Variants in DHX36 observed in about 807,000 individuals in gnomAD.
DHX36 encodes DEAH-box helicase 36, also known as ATP-dependent DNA/RNA helicase DHX36.
DHX36 carries 50 observed loss-of-function variants against 139.0 expected under a neutral mutation model. The ratio of observed to expected loss-of-function variants is 0.36; its 90% CI spans 0.29 to 0.46. The LOEUF (loss-of-function observed/expected upper bound fraction) is 0.46, where lower values mean the gene tolerates loss of function less well. Among genes scored for constraint, DHX36 ranks in the 20% least tolerant of loss-of-function variants. The pLI is 1.00. For synonymous variants in DHX36, 425 were observed against 401.9 expected, an observed-to-expected ratio of 1.06 and a Z score of -0.69; for missense variants, 1,024 against 1,211.3, an observed-to-expected ratio of 0.85 and a Z score of 2.29.
intron 1 of DHX36, among the ~76,000 whole-genome samples, chr3:154,316,991 T>C (rs1168432338): frequency 6.6e-6 from 1 of 151,878 alleles, no homozygotes; most frequent in Non-Finnish European, 1.5e-5. Flanking sequence ...TTAGAGTGTG[T>C]TAGGTTAAAG....
intron 22 of DHX36, chr3:154,279,230 G>C (rs1719256744): frequency 6.6e-6 from 1 of 152,146 alleles, no homozygotes; most frequent in African/African-American, 2.4e-5. Context: ...TGCTAGTGTA[G>C]AAGGAAAGCA....
At chr3:154,298,205 C>T (rs986105561) in intron 12 of DHX36, among the ~76,000 whole-genome samples, 2 of 152,148 alleles carry the variant, frequency 1.3e-5, no homozygotes, top group African/African-American at 4.8e-5. Flanking sequence ...CCTTTTCCCA[C>T]TCTCCATCAC....
intron 9 of DHX36, 115 bp downstream of exon 9, chr3:154,303,214 G>C: frequency 1.3e-6 from 1 of 758,780 alleles, no homozygotes; most frequent in South Asian, 2.0e-5. Flanking sequence ...CTAATTCCCA[G>C]AAAAATGTTT....
intron 24 of DHX36, 76 bp from the exon 25 acceptor site, chr3:154,276,432 A>G: frequency 7.4e-7 from 1 of 1,354,280 alleles, no homozygotes; most frequent in African/African-American, 1.5e-5. Flanking sequence ...AAACTAATTT[A>G]CCTGATACAA....
intron 1 of DHX36, among the ~76,000 whole-genome samples, chr3:154,323,639 C>G (rs1179972651): frequency 6.6e-6 from 1 of 151,960 alleles, no homozygotes; most frequent in Non-Finnish European, 1.5e-5. Flanking sequence ...ATTTCTCCAC[C>G]CCAACATAAA....
In DHX36 at chr3:154,283,231, T is replaced by C; in HGVS notation, c.2333A>G (p.Lys778Arg). The change falls in exon 20 of 25, where the codon AAG (lysine) becomes AGG (arginine). Residue 778 changes from lysine (K) to arginine (R), a missense_variant. This residue lies in a region of DHX36 where 470 missense variants were observed against 616.2 expected (regional missense o/e 0.76). Transcript: ENST00000496811. ...EARRRGFRYE[K>R]DYCWEYFLSS... Reference sequence around the variant, plus strand: ...CAGAAAATATTCCCAGCAATAGTCCTTTTCGTATCTGAAACCACGTCGCCT... The same window carrying C: ...CAGAAAATATTCCCAGCAATAGTCCCTTTCGTATCTGAAACCACGTCGCCT... The C allele has an allele frequency of 6.2e-7, 1 of 1,613,834 alleles. No homozygotes were observed. Among genetic ancestry groups the C allele is most frequent in the Non-Finnish European group, 8.5e-7 (1 of 1,179,774 alleles).
intron 17 of DHX36, among the ~76,000 whole-genome samples, chr3:154,287,749 A>G (rs1317320663): frequency 6.6e-6 from 1 of 152,184 alleles, no homozygotes. Context: ...TACAACCAAT[A>G]AAAAGCGCAG....
intron 17 of DHX36, 24 bp downstream of exon 17, chr3:154,288,842 A>T (rs1711663681): frequency 7.2e-7 from 1 of 1,397,320 alleles, no homozygotes; most frequent in Non-Finnish European, 9.7e-7. Flanking sequence ...AGTTAGAATT[A>T]AAAAAACAAG....
intron 12 of DHX36, among the ~76,000 whole-genome samples, chr3:154,298,072 A>G (rs1393734504): frequency 2.0e-5 from 3 of 152,236 alleles, no homozygotes; most frequent in African/African-American, 7.2e-5. Context: ...AAGTTCTGGA[A>G]AGATTTCCTT....
chr3:154,290,054 G>GT (rs1465265149), intron 15 of DHX36, among the ~76,000 whole-genome samples: 1 of 152,094 alleles, frequency 6.6e-6, no homozygotes, highest in African/African-American at 2.4e-5. Flanking sequence ...AAGATACACA[G>GT]TAATTCCTCC....
chr3:154,284,525 T>C, intron 19 of DHX36, 58 bp downstream of exon 19: 1 of 1,387,900 alleles, frequency 7.2e-7, no homozygotes, highest in Non-Finnish European at 9.9e-7. Context: ...CTTATTCTAT[T>C]ATTAGCATTT....
intron 3 of DHX36, chr3:154,314,657 A>G (rs544134975): frequency 1.3e-5 from 2 of 156,764 alleles, no homozygotes; most frequent in East Asian, 1.9e-4. Context: ...ATAATTTTTG[A>G]AATATTTAAT....
intron 1 of DHX36, among the ~76,000 whole-genome samples, chr3:154,316,559 T>C (rs1315825807): frequency 2.6e-5 from 4 of 152,060 alleles, no homozygotes; most frequent in Non-Finnish European, 5.9e-5. Context: ...AAACTGGAAA[T>C]AGTTTGGTTG....
rs371737293 is a variant in DHX36, at chr3:154,301,170, T to G, written c.1218-43A>C. The G allele has an allele frequency of 3.3e-6, 5 of 1,531,844 alleles. No individual in the cohort carries two copies. The African/African-American group carries it at 7.0e-5, about 22-fold the overall frequency. 94.9% of individuals were successfully genotyped at this position (1,531,844 alleles called of 1,614,324 possible). On this transcript the variant is annotated intron_variant, in intron 9 of 24. Coordinates refer to ENST00000496811, the MANE Select transcript of DHX36 (RefSeq NM_020865.3). ...TTGAATATCTTCACTTTTTTGAAACTCTAGTTTTAGCTAAAATCTGTGACA... is the reference window on the plus strand; with the variant it reads ...TTGAATATCTTCACTTTTTTGAAACGCTAGTTTTAGCTAAAATCTGTGACA...
chr3:154,289,398 G>A (rs577199735), intron 16 of DHX36, among the ~76,000 whole-genome samples: 5 of 152,230 alleles, frequency 3.3e-5, no homozygotes, highest in South Asian at 2.1e-4. Context: ...CACTTACCAC[G>A]TGCCAGGCAC....
intron 12 of DHX36, among the ~76,000 whole-genome samples, chr3:154,297,898 T>G (rs181398774): frequency 6.0e-4 from 92 of 152,188 alleles, no homozygotes; most frequent in African/African-American, 2.1e-3. Flanking sequence ...TATACTCTTA[T>G]GAAAAGAAAA....
intron 6 of DHX36, 167 bp from the exon 7 acceptor site, chr3:154,305,335 T>C: frequency 1.7e-6 from 1 of 579,048 alleles, no homozygotes; most frequent in Non-Finnish European, 3.0e-6. Flanking sequence ...TAATGGGAAA[T>C]ACTTCAAGTT....
intron 3 of DHX36, among the ~76,000 whole-genome samples, chr3:154,313,534 ACC>A (rs1188029882): frequency 1.3e-5 from 2 of 151,998 alleles, no homozygotes; most frequent in Non-Finnish European, 2.9e-5. Context: ...ACAAAAATTA[ACC>A]AGGCGTACTG....
At chr3:154,282,699 G>C (rs1444018177) in intron 20 of DHX36, among the ~76,000 whole-genome samples, 1 of 152,096 alleles carries the variant, frequency 6.6e-6, no homozygotes, top group African/African-American at 2.4e-5. Context: ...GAGTGTATGT[G>C]TACTGGGAGA....
Sources: allele counts gnomAD v4.1 joint callset (sites outside exome capture counted in the v4.1 genomes callset), GRCh38; gene constraint gnomAD v4.1.1; regional missense constraint gnomAD v4.1.1; transcripts MANE v1.5; gene names NCBI Gene and HGNC (gene_info 2026-07-23, HGNC 2026-07-21).